Variants in NEMP2 observed in about 807,000 individuals in gnomAD.
NEMP2 encodes the protein UPF0571 transmembrane protein.
A neutral mutation model predicts 54.2 loss-of-function variants in NEMP2; 53 were observed. The ratio of observed to expected loss-of-function variants is 0.98; its 90% confidence interval spans 0.78 to 1.23. The LOEUF (loss-of-function observed/expected upper bound fraction) is 1.23. NEMP2 is among the 50% of genes most tolerant of loss of function. The probability of loss-of-function intolerance (pLI) is 0.00; values close to 1 mark genes in which losing one functional copy is unlikely to be tolerated. For missense variants in NEMP2, 455 were observed against 511.3 expected, an observed-to-expected ratio of 0.89 and a Z score of 1.06; for synonymous variants, 197 against 190.3, an observed-to-expected ratio of 1.04 and a Z score of -0.29.
At chr2:190,538,853 T>C (rs1234018979), upstream of NEMP2, among the ~76,000 whole-genome samples, 1 of 152,220 alleles carries the variant, frequency 6.6e-6, no homozygotes, top group Non-Finnish European at 1.5e-5. The surrounding 1 kb of genome is among the most constrained non-coding windows in gnomAD (Gnocchi z 4.1). Context: ...TGATATATTC[T>C]GGTTATTAAT....
chr2:190,536,490 C>A (rs1455248135), upstream of NEMP2, among the ~76,000 whole-genome samples: 3 of 152,180 alleles, frequency 2.0e-5, no homozygotes, highest in Non-Finnish European at 4.4e-5. Flanking sequence ...AAGGATTTGG[C>A]TGCAATGGGA....
the NEMP2 span, among the ~76,000 whole-genome samples, chr2:190,478,958 A>G: frequency 9.3e-4 from 142 of 152,272 alleles, no homozygotes; most frequent in African/African-American, 3.4e-3. Flanking sequence ...GAGACAAAAG[A>G]TGTGCCTCAT....
chr2:190,437,679 G>C, the NEMP2 span: 1 of 1,203,398 alleles, frequency 8.3e-7, no homozygotes, highest in South Asian at 1.6e-5. This position sits in a 1 kb window ranked among gnomAD's most constrained non-coding sequence, Gnocchi z 5.9. Context: ...TAGGGTTGGA[G>C]TGGAAATGGG....
the NEMP2 span, among the ~76,000 whole-genome samples, chr2:190,431,329 G>T: frequency 6.6e-6 from 1 of 152,188 alleles, no homozygotes; most frequent in African/African-American, 2.4e-5. The surrounding 1 kb of genome is among the most constrained non-coding windows in gnomAD (Gnocchi z 4.4). Context: ...CTGCAATCTC[G>T]GCACTTTGGG....
the NEMP2 span, among the ~76,000 whole-genome samples, chr2:190,635,733 G>C: frequency 3.9e-5 from 6 of 152,192 alleles, no homozygotes. The surrounding 1 kb of genome is among the most constrained non-coding windows in gnomAD (Gnocchi z 4.1). Context: ...ACAGGTAAGA[G>C]AGCTTCTCAG....
At chr2:190,457,691 T>A in the NEMP2 span, among the ~76,000 whole-genome samples, 2 of 152,340 alleles carry the variant, frequency 1.3e-5, no homozygotes, top group East Asian at 3.9e-4. The surrounding 1 kb of genome is among the most constrained non-coding windows in gnomAD (Gnocchi z 5.1). Context: ...AATGGTAGCT[T>A]ACATATTTGC....
the NEMP2 span, among the ~76,000 whole-genome samples, chr2:190,567,554 G>A: frequency 2.0e-5 from 3 of 152,200 alleles, no homozygotes; most frequent in Non-Finnish European, 4.4e-5. This position sits in a 1 kb window ranked among gnomAD's most constrained non-coding sequence, Gnocchi z 4.0. Flanking sequence ...TATGCTAAGA[G>A]TAGGTATCAG....
the NEMP2 span, chr2:190,625,887 G>A: frequency 6.6e-6 from 1 of 152,180 alleles, no homozygotes; most frequent in Non-Finnish European, 1.5e-5. Flanking sequence ...CAGACAGGCA[G>A]CTTCTAGAGA....
rs894061915 is a variant in NEMP2, at chr2:190,510,302, T to G, written c.1130+59A>C. ...CTGAAGTGCCTGTACCAAACCATCA[T>G]ATTATTTTTTAAATCATTCTGAACT... On this transcript the variant is annotated intron_variant, in intron 8 of 8. Transcript: ENST00000409150. The surrounding 1 kb of genome is among the most constrained non-coding windows in gnomAD (Gnocchi z 5.7). 10 of 1,533,916 alleles carry G rather than the reference T, an allele frequency of 6.5e-6. No individual in the cohort carries two copies. In the Admixed American group the frequency reaches 1.6e-4, roughly 24 times the overall value.
At chr2:190,541,342 T>C in the NEMP2 span, among the ~76,000 whole-genome samples, 2 of 152,218 alleles carry the variant, frequency 1.3e-5, no homozygotes, top group African/African-American at 4.8e-5. The surrounding 1 kb of genome is among the most constrained non-coding windows in gnomAD (Gnocchi z 5.2). Context: ...TTGAAGTCTT[T>C]CTACTTTTTG....
intron 6 of NEMP2, among the ~76,000 whole-genome samples, chr2:190,515,153 A>G (rs1690509494): frequency 6.6e-6 from 1 of 152,200 alleles, no homozygotes; most frequent in Non-Finnish European, 1.5e-5. Flanking sequence ...TCTGGGTATG[A>G]TCCAAGGTGA....
At chr2:190,606,822 TAC>T in the NEMP2 span, among the ~76,000 whole-genome samples, 2 of 152,278 alleles carry the variant, frequency 1.3e-5, no homozygotes, top group South Asian at 2.1e-4. Context: ...GCCTTATTTA[TAC>T]AGATATGCTA....
chr2:190,610,021 G>A, the NEMP2 span: 1 of 152,152 alleles, frequency 6.6e-6, no homozygotes, highest in Admixed American at 6.5e-5. The surrounding 1 kb of genome is among the most constrained non-coding windows in gnomAD (Gnocchi z 5.4). Context: ...GGAAGAATGG[G>A]GGAAAAGGAA....
chr2:190,609,604 C>T, the NEMP2 span: 1 of 152,286 alleles, frequency 6.6e-6, no homozygotes, highest in South Asian at 2.1e-4. The surrounding 1 kb of genome is among the most constrained non-coding windows in gnomAD (Gnocchi z 4.7). Context: ...GCTCAATCAG[C>T]TTTTAATGTT....
At chr2:190,434,839 CTA>C in the NEMP2 span, among the ~76,000 whole-genome samples, 1 of 152,172 alleles carries the variant, frequency 6.6e-6, no homozygotes, top group African/African-American at 2.4e-5. The surrounding 1 kb of genome is among the most constrained non-coding windows in gnomAD (Gnocchi z 4.3). Context: ...CCATGGACCG[CTA>C]CCACTCTGTG....
chr2:190,499,719 T>A, downstream of NEMP2: 1 of 1,157,400 alleles, frequency 8.6e-7, no homozygotes, highest in African/African-American at 1.6e-5. This position sits in a 1 kb window ranked among gnomAD's most constrained non-coding sequence, Gnocchi z 6.0. Context: ...TCAGTAAATA[T>A]TTGCTGATGT....
the NEMP2 span, among the ~76,000 whole-genome samples, chr2:190,551,460 A>G: frequency 2.0e-5 from 3 of 151,312 alleles, no homozygotes; most frequent in Admixed American, 6.6e-5. Context: ...TTCTCCTAGT[A>G]TAGTTTCATT....
chr2:190,522,924 T>C lies in NEMP2; in HGVS notation c.213+2339A>G, dbSNP rs1166565471. The stretch of plus-strand genomic sequence containing the variant: ...TAACTAATGTATACCTTAAATGTAT[T>C]TGATTAATGTCTCATGTCTCCCTAA... On this transcript the variant is annotated intron_variant, in intron 2 of 8. Coordinates refer to ENST00000409150, the MANE Select transcript of NEMP2 (RefSeq NM_001142645.2). The surrounding 1 kb of genome is among the most constrained non-coding windows in gnomAD (Gnocchi z 5.0). Among the ~76,000 whole-genome samples, 1 of 152,200 alleles carries C rather than the reference T, an allele frequency of 6.6e-6. No individual in the cohort carries two copies. The highest frequency in any genetic ancestry group is 1.5e-5 in the Non-Finnish European group (1 of 68,034).
the NEMP2 span, among the ~76,000 whole-genome samples, chr2:190,613,799 A>G: frequency 6.6e-6 from 1 of 152,202 alleles, no homozygotes; most frequent in East Asian, 1.9e-4. Context: ...CAAGTTGGCC[A>G]GGCTGCTCTT....
Sources: allele counts gnomAD v4.1 joint callset (sites outside exome capture counted in the v4.1 genomes callset), GRCh38; gene constraint gnomAD v4.1.1; non-coding constraint Gnocchi (gnomAD v3.1); transcripts MANE v1.5; gene names NCBI Gene and HGNC (gene_info 2026-07-23, HGNC 2026-07-21).